The following SELENOP variants were observed in gnomAD, a reference collection of about 807,000 sequenced individuals.
SELENOP encodes the protein selenoprotein P, plasma, 1.
SELENOP carries 36 observed loss-of-function variants against 41.0 expected under a neutral mutation model. That is an observed-to-expected ratio of 0.88 (90% confidence interval 0.67 to 1.16). The LOEUF is 1.16. Among genes scored for constraint, SELENOP ranks in the 50% most tolerant of loss-of-function variants. SELENOP has a pLI of 0.00. For synonymous variants in SELENOP, 144 were observed against 150.8 expected, an observed-to-expected ratio of 0.95 and a Z score of 0.33; for missense variants, 440 against 454.2, an observed-to-expected ratio of 0.97 and a Z score of 0.28.
Position 42,804,856 on chromosome 5 carries a change from T to C in SELENOP, c.417-83A>G, listed in dbSNP as rs1561284626. 5 of 879,518 alleles carry C rather than the reference T, an allele frequency of 5.7e-6. No individual in the cohort carries two copies. The South Asian group carries it at 7.0e-5, about 12-fold the overall frequency. The allele number at this position is 879,518 out of a possible 1,614,324, so 54.5% of individuals were successfully genotyped here. ...CAAATACAGTCTGGGATAGGTATTA[T>C]AGGTTTAATGGTCATAACTAAGACC... On this transcript the variant is annotated intron_variant, in intron 3 of 4. Transcript: ENST00000514985.
At position 42,807,122 on chromosome 5, in the gene SELENOP, GA is replaced by G; in HGVS notation, c.204-15del. ...AGGTCTTCTAATCTAAAATATTTGG[GA>G]AGAAATACATAAAATGAATAATCTC... On this transcript the variant is annotated splice_polypyrimidine_tract_variant and intron_variant, in intron 2 of 4. Coordinates refer to ENST00000514985, the MANE Select transcript of SELENOP (RefSeq NM_005410.4). 8.1e-7 allele frequency: 1 copy of G among 1,228,520 alleles called. No homozygotes were observed. The highest frequency in any genetic ancestry group is 1.3e-5 in the South Asian group (1 of 76,142). 76.1% of individuals were successfully genotyped at this position (1,228,520 alleles called of 1,614,324 possible). A position where few individuals can be genotyped will look rare whatever the true frequency, so the allele number is the denominator to read the frequency against.
In SELENOP at chr5:42,808,136, G is replaced by A; in HGVS notation, c.203+15C>T. On this transcript the variant is annotated intron_variant, in intron 2 of 4. Coordinates refer to ENST00000514985, the MANE Select transcript of SELENOP (RefSeq NM_005410.4). Reference sequence around the variant, plus strand: ...TCCCCTTAAGGTATTTTAAGCCACAGAAAGACTGTCTTACTTAGATGCCTG... The same window carrying A: ...TCCCCTTAAGGTATTTTAAGCCACAAAAAGACTGTCTTACTTAGATGCCTG... 1 of 1,410,384 alleles carries A rather than the reference G, an allele frequency of 7.1e-7. No individual in the cohort carries two copies. Among genetic ancestry groups the A allele is most frequent in the Non-Finnish European group, 9.4e-7 (1 of 1,061,060 alleles). 87.4% of individuals were successfully genotyped at this position (1,410,384 alleles called of 1,614,324 possible). A position where few individuals can be genotyped will look rare whatever the true frequency, so the allele number is the denominator to read the frequency against.
rs1425709254 is a variant in SELENOP at position 42,801,111 on chromosome 5, T to G, written c.755A>C (p.Gln252Pro). Residue 252 changes from glutamine to proline, a missense_variant, in exon 5 of 5, where the codon CAG (glutamine) becomes CCG (proline). By Grantham distance (76) the Gln-to-Pro change is moderately conservative (BLOSUM62 -1). Transcript: ENST00000514985. ...GTTCTCTGGGTGACCCTGCCTATGCTGACCCTTGTGCTTATGGTGGTGATG... is the reference window on the plus strand; with the variant it reads ...GTTCTCTGGGTGACCCTGCCTATGCGGACCCTTGTGCTTATGGTGGTGATG... ...GLHHHHKHKGQHRQGHPENRD... is the reference protein window; with the variant it reads ...GLHHHHKHKGPHRQGHPENRD... 1.2e-6 allele frequency: 2 copies of G among 1,614,186 alleles called. No individual in the cohort carries two copies. The highest frequency in any genetic ancestry group is 2.7e-5 in the African/African-American group (2 of 75,046).
intron 1 of SELENOP, among the ~76,000 whole-genome samples, chr5:42,810,022 G>A (rs1175675121): frequency 6.6e-6 from 1 of 151,994 alleles, no homozygotes; most frequent in East Asian, 1.9e-4. Flanking sequence ...TATTCAGGTG[G>A]CACTAAGCAC....
intron 1 of SELENOP, among the ~76,000 whole-genome samples, chr5:42,808,699 G>A (rs1291477554): frequency 6.6e-6 from 1 of 150,976 alleles, no homozygotes; most frequent in Non-Finnish European, 1.5e-5. Flanking sequence ...ACGATGTCAG[G>A]AGATCGAGAC....
intron 4 of SELENOP, 94 bp from the exon 5 acceptor site, chr5:42,801,425 A>G: frequency 1.1e-6 from 1 of 948,406 alleles, no homozygotes; most frequent in Non-Finnish European, 1.6e-6. Flanking sequence ...TGAAATTCCA[A>G]CTAGTTAATT....
intron 1 of SELENOP, chr5:42,809,920 C>T (rs1760424150): frequency 2.1e-5 from 4 of 189,602 alleles, no homozygotes; most frequent in Non-Finnish European, 2.9e-5. Context: ...TATATTTGGA[C>T]TGTTTCTAGA....
At position 42,800,641 on chromosome 5, in the gene SELENOP, C is replaced by G. The variant is rs1328665319; in HGVS notation, c.*79G>C. ...AAATCTAATTTCTATTTTTGGTTCA[C>G]TAATTTGGTAGTTTATAAAAATGCT... On this transcript the variant is annotated 3_prime_UTR_variant, in exon 5 of 5. Transcript: ENST00000514985. 5 of 1,468,290 alleles carry G rather than the reference C, an allele frequency of 3.4e-6. No homozygotes were observed. The highest frequency in any genetic ancestry group is 4.6e-6 in the Non-Finnish European group (5 of 1,097,302). The allele number at this position is 1,468,290 out of a possible 1,614,324, so 91.0% of individuals were successfully genotyped here.
At chr5:42,806,831 A>G in intron 3 of SELENOP, 65 bp downstream of exon 3, 1 of 851,254 alleles carries the variant, frequency 1.2e-6, no homozygotes. Context: ...TGTGATGGGA[A>G]GTAAATAAAT....
chr5:42,810,460 T>C (rs1333277589), intron 1 of SELENOP, among the ~76,000 whole-genome samples: 1 of 152,130 alleles, frequency 6.6e-6, no homozygotes, highest in Non-Finnish European at 1.5e-5. Flanking sequence ...TATCTATTTA[T>C]TTATTTATTT....
Position 42,800,351 on chromosome 5 carries a change from GA to G in SELENOP, c.*368del. The G allele has an allele frequency of 6.0e-6, 1 of 166,642 alleles. No individual in the cohort carries two copies. The highest frequency in any genetic ancestry group is 1.3e-5 in the Non-Finnish European group (1 of 78,106). 10.3% of individuals were successfully genotyped at this position (166,642 alleles called of 1,614,324 possible). The stretch of plus-strand genomic sequence containing the variant: ...AATATTGTTTTGAGAGATAAGTAAA[GA>G]AAAAAATGGAAAGCATGTCTTTGTT... On this transcript the variant is annotated 3_prime_UTR_variant, in exon 5 of 5. Transcript: ENST00000514985.
chr5:42,801,217 G>A lies in SELENOP; in HGVS notation c.649C>T (p.His217Tyr), dbSNP rs1348393909. Residue 217 changes from histidine to tyrosine, a missense_variant, in exon 5 of 5, where the codon CAC becomes TAC. His to Tyr is a moderately conservative substitution (Grantham distance 83, BLOSUM62 2). Coordinates refer to ENST00000514985, the MANE Select transcript of SELENOP (RefSeq NM_005410.4). ...TCTGAAAGCTCACTGCTGCCAAGGT[G>A]CTGATGTCCATGATTGTGATGATGC... ...HEHHHNHGHQ[H>Y]LGSSELSENQ... 3.1e-6 allele frequency: 5 copies of A among 1,614,060 alleles called. No individual in the cohort carries two copies. The African/African-American group carries it at 6.7e-5, about 22-fold the overall frequency.
intron 1 of SELENOP, among the ~76,000 whole-genome samples, chr5:42,811,081 C>CA (rs1336288894): frequency 1.3e-5 from 2 of 152,168 alleles, no homozygotes; most frequent in Non-Finnish European, 2.9e-5. Flanking sequence ...TTCACTATGT[C>CA]ACCACTTTTC....
Position 42,802,653 on chromosome 5 carries a change from C to T in SELENOP, c.535-1322G>A, listed in dbSNP as rs577423316. Among the ~76,000 whole-genome samples, 36 of 152,306 alleles carry T rather than the reference C, an allele frequency of 2.4e-4. No individual in the cohort carries two copies. In the South Asian group the frequency reaches 6.8e-3, roughly 29 times the overall value. On this transcript the variant is annotated intron_variant, in intron 4 of 4. Coordinates refer to ENST00000514985, the MANE Select transcript of SELENOP (RefSeq NM_005410.4). ...TAGTGACGGAGTCTCACTCTTTCGCCAGGCTGGAGTGCAGTGGCACGACCT... is the reference window on the plus strand; with the variant it reads ...TAGTGACGGAGTCTCACTCTTTCGCTAGGCTGGAGTGCAGTGGCACGACCT...
rs369054600 is a variant in SELENOP at position 42,801,304 on chromosome 5, G to A, written c.562C>T (p.Arg188Cys). The A allele has an allele frequency of 4.2e-5, 68 of 1,609,836 alleles. No individual in the cohort carries two copies. The highest frequency in any genetic ancestry group is 8.9e-5 in the East Asian group (4 of 44,800). Residue 188 changes from arginine to cysteine, a missense_variant, in exon 5 of 5, where the codon CGT becomes TGT. Arg to Cys is a radical substitution (Grantham distance 180). Coordinates refer to ENST00000514985, the MANE Select transcript of SELENOP (RefSeq NM_005410.4). ...TTLKDEDFCK[R>C]VSLATVDKTV... ...TTATCCACAGTAGCCAAAGATACAC[G>A]TTTACAAAAGTCTTCATCTTTGAGA...
chr5:42,808,732 C>A lies in SELENOP; in HGVS notation c.-13-366G>T, dbSNP rs181323212. On this transcript the variant is annotated intron_variant, in intron 1 of 4. Transcript: ENST00000514985. ...GACCATCCTGGCTAACACGGTGAAA[C>A]CCCTTCTCTACTAAAATTATACAAA... Among the ~76,000 whole-genome samples the A allele has an allele frequency of 4.9e-3, 744 of 151,060 alleles. 5 individuals are homozygous for A. The highest frequency in any genetic ancestry group is 7.7e-3 in the Non-Finnish European group (524 of 67,744).
Position 42,808,317 on chromosome 5 carries a change from GA to G in SELENOP, c.36del (p.Leu13SerfsTer24). 6.9e-7 allele frequency: 1 copy of G among 1,459,692 alleles called. No homozygotes were observed. Among genetic ancestry groups the G allele is most frequent in the African/African-American group, 1.5e-5 (1 of 68,418 alleles). 90.4% of individuals were successfully genotyped at this position (1,459,692 alleles called of 1,614,324 possible). The stretch of plus-strand genomic sequence containing the variant: ...CTCTCTGTTCCTCCCGATGGGAGGA[GA>G]CAGAGAGCCAGGGCAAGCCCCAGGC... ...WRSLGLALALCLLPSGGTESQ... is the reference protein window; with the variant it reads ...WRSLGLALALXLLPSGGTESQ... On this transcript the variant is annotated frameshift_variant, in exon 2 of 5. Transcript: ENST00000514985. LOFTEE classifies it high-confidence loss of function.
At chr5:42,802,306 T>C (rs1041458933) in intron 4 of SELENOP, 3 of 152,166 alleles carry the variant, frequency 2.0e-5, no homozygotes, top group African/African-American at 7.2e-5. Flanking sequence ...TAACAGTAAA[T>C]CTCAACCTAA....
Position 42,800,110 on chromosome 5 carries a change from A to G in SELENOP, c.*610T>C, listed in dbSNP as rs556516630. 2.4e-5 allele frequency: 5 copies of G among 207,310 alleles called. No individual in the cohort carries two copies. In the South Asian group the frequency reaches 5.7e-4, roughly 24 times the overall value. The allele number at this position is 207,310 out of a possible 1,614,324, so 12.8% of individuals were successfully genotyped here. On this transcript the variant is annotated 3_prime_UTR_variant, in exon 5 of 5. Transcript: ENST00000514985. ...ACAGCCACTCAAGTTTTAGAAGAGT[A>G]TGATACAACATTAGAGAAAGAAAGA...
Sources: gnomAD v4.1 joint callset for allele counts (sites outside exome capture counted in the v4.1 genomes callset) on GRCh38, gnomAD v4.1.1 for gene constraint, MANE v1.5 for transcripts, NCBI Gene and HGNC (gene_info 2026-07-23, HGNC 2026-07-21) for gene names.